The following E2F4 variants were observed in gnomAD, a reference collection of about 807,000 sequenced individuals.
E2F4 encodes E2F transcription factor 4, also known as transcription factor E2F4.
A neutral mutation model predicts 44.5 loss-of-function variants in E2F4; 16 were observed. The ratio of observed to expected loss-of-function variants is 0.36; its 90% CI spans 0.24 to 0.55. The LOEUF is 0.55. Among genes scored for constraint, E2F4 ranks in the 20% least tolerant of loss-of-function variants. The probability of loss-of-function intolerance (pLI) is 0.87; values close to 1 mark genes in which losing one functional copy is unlikely to be tolerated. For synonymous variants in E2F4, 242 were observed against 207.2 expected, an observed-to-expected ratio of 1.17 and a Z score of -1.44; for missense variants, 473 against 522.1, an observed-to-expected ratio of 0.91 and a Z score of 0.92.
In E2F4 at chr16:67,192,268, C is replaced by T. The variant is rs200123345; in HGVS notation, c.41C>T (p.Thr14Ile). 17 of 1,321,184 alleles carry T rather than the reference C, an allele frequency of 1.3e-5. No individual in the cohort carries two copies. The highest frequency in any genetic ancestry group is 7.5e-5 in the Admixed American group (2 of 26,790). 81.8% of individuals were successfully genotyped at this position (1,321,184 alleles called of 1,614,324 possible). The change falls in exon 1 of 10, where the codon ACT (threonine) becomes ATT (isoleucine). Residue 14 changes from threonine to isoleucine, a missense_variant. Coordinates refer to ENST00000379378, the MANE Select transcript of E2F4 (RefSeq NM_001950.4). ...CCACAGGCGCCGCCGCCCCCGGGCA[C>T]TCCAAGCCGGCACGAAAAGAGCCTG... ...AGPQAPPPPG[T>I]PSRHEKSLGL...
Position 67,198,432 on chromosome 16 carries a change from A to G in E2F4, c.*309A>G. 2.8e-6 allele frequency: 1 copy of G among 353,822 alleles called. No individual in the cohort carries two copies. Among genetic ancestry groups the G allele is most frequent in the Non-Finnish European group, 5.3e-6 (1 of 187,674 alleles). 21.9% of individuals were successfully genotyped at this position (353,822 alleles called of 1,614,324 possible). ...GGCACAGAACCGAGGAGCTGCCATT[A>G]CCCCCCATAGGGGGCAGTGTCTTGT... On this transcript the variant is annotated 3_prime_UTR_variant, in exon 10 of 10. Coordinates refer to ENST00000379378, the MANE Select transcript of E2F4 (RefSeq NM_001950.4).
At chr16:67,193,418 G>GA in intron 3 of E2F4, 54 bp from the exon 4 acceptor site, 1 of 1,607,842 alleles carries the variant, frequency 6.2e-7, no homozygotes, top group Non-Finnish European at 8.5e-7. Flanking sequence ...GGTCTTTTCT[G>GA]TAGTCTGCCA....
chr16:67,194,629 G>A, intron 5 of E2F4, 57 bp from the exon 6 acceptor site: 1 of 1,588,846 alleles, frequency 6.3e-7, no homozygotes, highest in East Asian at 2.2e-5. Flanking sequence ...GAGTCGGGCA[G>A]GAGCCAAGCC....
chr16:67,196,143 G>A, intron 7 of E2F4, 137 bp downstream of exon 7: 1 of 1,330,668 alleles, frequency 7.5e-7, no homozygotes. Flanking sequence ...CAGCACCTCT[G>A]GGTCAGTGCT....
intron 4 of E2F4, 44 bp from the exon 5 acceptor site, chr16:67,194,354 A>G (rs923213798): frequency 6.2e-7 from 1 of 1,605,720 alleles, no homozygotes; most frequent in Non-Finnish European, 8.5e-7. Context: ...TTCCCAGCTC[A>G]GATTGAGCCC....
At chr16:67,197,342 C>G (rs1409560266) in intron 7 of E2F4, among the ~76,000 whole-genome samples, 2 of 152,178 alleles carry the variant, frequency 1.3e-5, no homozygotes, top group African/African-American at 4.8e-5. Context: ...CAGAAAGAGG[C>G]TTCTGTGGCC....
rs2032895789 is a variant in E2F4, at chr16:67,192,188, C to T, written c.-40C>T. 3.5e-6 allele frequency: 4 copies of T among 1,155,078 alleles called. No homozygotes were observed. The highest frequency in any genetic ancestry group is 4.3e-6 in the Non-Finnish European group (4 of 939,160). 71.6% of individuals were successfully genotyped at this position (1,155,078 alleles called of 1,614,324 possible). ...AAGCGGAAGTGGCGGCGGCGCCGGC[C>T]TGGCCTGGCCTGGCTGAGGGGAGGC... On this transcript the variant is annotated 5_prime_UTR_variant, in exon 1 of 10. Coordinates refer to ENST00000379378, the MANE Select transcript of E2F4 (RefSeq NM_001950.4).
In E2F4 at chr16:67,198,148, C is replaced by G; in HGVS notation, c.*25C>G. 1 of 1,605,204 alleles carries G rather than the reference C, an allele frequency of 6.2e-7. No homozygotes were observed. Among genetic ancestry groups the G allele is most frequent in the Non-Finnish European group, 8.5e-7 (1 of 1,173,204 alleles). On this transcript the variant is annotated 3_prime_UTR_variant, in exon 10 of 10. Coordinates refer to ENST00000379378, the MANE Select transcript of E2F4 (RefSeq NM_001950.4). ...ACTGACAGGGACATGCCCTGTGTGG[C>G]TGGGACCCAGACTGTCTGACCTGGG...
intron 7 of E2F4, among the ~76,000 whole-genome samples, chr16:67,196,251 G>A (rs1337656420): frequency 6.6e-6 from 1 of 152,102 alleles, no homozygotes; most frequent in Non-Finnish European, 1.5e-5. Flanking sequence ...CTCACTAATT[G>A]ACACTTCTCT....
rs2032894626 is a variant in E2F4, at chr16:67,192,158, A to C, written c.-70A>C. 1 of 1,192,876 alleles carries C rather than the reference A, an allele frequency of 8.4e-7. No individual in the cohort carries two copies. Among genetic ancestry groups the C allele is most frequent in the Non-Finnish European group, 1.0e-6 (1 of 961,904 alleles). 73.9% of individuals were successfully genotyped at this position (1,192,876 alleles called of 1,614,324 possible). A position where few individuals can be genotyped will look rare whatever the true frequency, so the allele number is the denominator to read the frequency against. ...TGGCTCCGGCTGCCCGGCGGCCAGG[A>C]ACGGAAGCGGAAGTGGCGGCGGCGC... On this transcript the variant is annotated 5_prime_UTR_variant, in exon 1 of 10. Coordinates refer to ENST00000379378, the MANE Select transcript of E2F4 (RefSeq NM_001950.4).
In E2F4 at chr16:67,192,157, G is replaced by A; in HGVS notation, c.-71G>A. On this transcript the variant is annotated 5_prime_UTR_variant, in exon 1 of 10. Coordinates refer to ENST00000379378, the MANE Select transcript of E2F4 (RefSeq NM_001950.4). ...CTGGCTCCGGCTGCCCGGCGGCCAG[G>A]AACGGAAGCGGAAGTGGCGGCGGCG... 1 of 1,189,682 alleles carries A rather than the reference G, an allele frequency of 8.4e-7. No individual in the cohort carries two copies. The highest frequency in any genetic ancestry group is 1.0e-6 in the Non-Finnish European group (1 of 959,926). The allele number at this position is 1,189,682 out of a possible 1,614,324, so 73.7% of individuals were successfully genotyped here. A position where few individuals can be genotyped will look rare whatever the true frequency, so the allele number is the denominator to read the frequency against.
chr16:67,192,711 T>C lies in E2F4; in HGVS notation c.136-50T>C, dbSNP rs758892318. ...TTCCCAGACCACGTCTCAGGGTGGC[T>C]GGGGGTACACCCCAGAGTGGGGCTG... On this transcript the variant is annotated intron_variant, in intron 1 of 9. Coordinates refer to ENST00000379378, the MANE Select transcript of E2F4 (RefSeq NM_001950.4). 24 of 1,540,294 alleles carry C rather than the reference T, an allele frequency of 1.6e-5. No homozygotes were observed. In the South Asian group the frequency reaches 2.7e-4, roughly 17 times the overall value.
Position 67,192,782 on chromosome 16 carries a change from C to G in E2F4, c.157C>G (p.Arg53Gly). 6.2e-7 allele frequency: 1 copy of G among 1,611,872 alleles called. No homozygotes were observed. The highest frequency in any genetic ancestry group is 8.5e-7 in the Non-Finnish European group (1 of 1,178,904). The change falls in exon 2 of 10, where the codon CGC becomes GGC. Residue 53 changes from arginine (R) to glycine (G), a missense_variant. Arg to Gly is a moderately radical substitution (Grantham distance 125, BLOSUM62 -2). This residue lies in a region of E2F4 where 119 missense variants were observed against 175.6 expected (regional missense o/e 0.68). Transcript: ENST00000379378. Reference protein sequence around the residue: ...LKLAADTLAVRQKRRIYDITN... With the variant: ...LKLAADTLAVGQKRRIYDITN... ...CCAGGCAGCTGACACCCTAGCTGTA[C>G]GCCAGAAGCGGCGGATTTACGACAT...
In E2F4 at chr16:67,198,278, G is replaced by A. The variant is rs146349780; in HGVS notation, c.*155G>A. On this transcript the variant is annotated 3_prime_UTR_variant, in exon 10 of 10. Transcript: ENST00000379378. ...CCGCACAGTTCTGGCCACAGCTCCC[G>A]CTCCTGTGCTGGCACTTCTGTGCTC... 7 of 649,766 alleles carry A rather than the reference G, an allele frequency of 1.1e-5. No homozygotes were observed. The highest frequency in any genetic ancestry group is 2.6e-5 in the Admixed American group (1 of 38,554). The allele number at this position is 649,766 out of a possible 1,614,324, so 40.3% of individuals were successfully genotyped here.
chr16:67,198,915 G>A lies in E2F4; in HGVS notation c.*792G>A. The A allele has an allele frequency of 1.8e-6, 1 of 568,160 alleles. No individual in the cohort carries two copies. Among genetic ancestry groups the A allele is most frequent in the South Asian group, 2.2e-5 (1 of 44,588 alleles). The allele number at this position is 568,160 out of a possible 1,614,324, so 35.2% of individuals were successfully genotyped here. On this transcript the variant is annotated 3_prime_UTR_variant, in exon 10 of 10. Transcript: ENST00000379378. ...CAAGTGAATAAAAACCATGCCTAAGGCTAGCTCTGATGTGGTTCTTTGGGG... is the reference window on the plus strand; with the variant it reads ...CAAGTGAATAAAAACCATGCCTAAGACTAGCTCTGATGTGGTTCTTTGGGG...
chr16:67,194,767 GC>G lies in E2F4; in HGVS notation c.596del (p.Ala199AspfsTer35), dbSNP rs771168933. The G allele has an allele frequency of 6.2e-7, 1 of 1,614,156 alleles. No individual in the cohort carries two copies. The highest frequency in any genetic ancestry group is 8.5e-7 in the Non-Finnish European group (1 of 1,180,012). ...PIEVLLVNKEAWSSPPVAVPV... is the reference protein window; with the variant it reads ...PIEVLLVNKEXWSSPPVAVPV... ...TGAGGTTCTGCTGGTGAACAAGGAG[GC>G]ATGGAGCTCACCCCCTGTGGCTGTG... On this transcript the variant is annotated frameshift_variant, in exon 6 of 10. Transcript: ENST00000379378. LOFTEE classifies it high-confidence loss of function.
At chr16:67,197,057 G>A (rs1392864322) in intron 7 of E2F4, among the ~76,000 whole-genome samples, 1 of 152,180 alleles carries the variant, frequency 6.6e-6, no homozygotes, top group African/African-American at 2.4e-5. Flanking sequence ...GTTTGCAAAA[G>A]TACCTTTAAT....
rs759558657 is a variant in E2F4, at chr16:67,193,055, A to T, written c.292A>T (p.Ile98Phe). 1 of 1,571,168 alleles carries T rather than the reference A, an allele frequency of 6.4e-7. No homozygotes were observed. The highest frequency in any genetic ancestry group is 1.9e-5 in the Admixed American group (1 of 53,168). The change falls in exon 3 of 10, where the codon ATT becomes TTT. Residue 98 changes from isoleucine to phenylalanine, a missense_variant. By Grantham distance (21) the Ile-to-Phe change is conservative (BLOSUM62 0). Transcript: ENST00000379378. ...TACCCGGGAGATTGCTGACAAACTG[A>T]TTGAGCTCAAGGCAGAGATCGAGGA... ...CNTREIADKL[I>F]ELKAEIEELQ...
At chr16:67,192,950 A>G (rs940937038) in intron 2 of E2F4, 59 bp from the exon 3 acceptor site, 18 of 1,561,200 alleles carry the variant, frequency 1.2e-5, no homozygotes, top group Non-Finnish European at 1.6e-5. Flanking sequence ...CGAAGAAGGC[A>G]GGGGCCATGG....
Sources: allele counts gnomAD v4.1 joint callset (sites outside exome capture counted in the v4.1 genomes callset), GRCh38; gene constraint gnomAD v4.1.1; regional missense constraint gnomAD v4.1.1; transcripts MANE v1.5; gene names NCBI Gene and HGNC (gene_info 2026-07-23, HGNC 2026-07-21).